LCT: variants seen among roughly 807,000 people sequenced by gnomAD.
LCT encodes the protein lactase.
Under a neutral mutation model 173.0 loss-of-function variants are expected in LCT, and 90 were observed. The ratio of observed to expected loss-of-function variants is 0.52; its 90% CI spans 0.44 to 0.62. The LOEUF (loss-of-function observed/expected upper bound fraction) is 0.62, where lower values mean the gene tolerates loss of function less well. Among genes scored for constraint, LCT ranks in the 20% least tolerant of loss-of-function variants. The probability of loss-of-function intolerance (pLI) is 0.00; values close to 1 mark genes in which losing one functional copy is unlikely to be tolerated. For missense variants in LCT, 1,864 were observed against 2,431.4 expected (o/e 0.77, Z 4.91); for synonymous variants, 853 against 957.6 (o/e 0.89, Z 2.02).
rs1559548824 is a variant in LCT at position 135,794,691 on chromosome 2, G to A, written c.5061C>T (p.Leu1687=). ...CAGTGGCATAGTTGAGGTTGTAGGC[G>A]AGGACAGTGGTGTAGTGATTGAACC... ...FFGFNHYTTV[L]AYNLNYATAI... The change falls in exon 14 of 17, where the codon CTC becomes CTT. Residue 1687 remains leucine, a synonymous_variant. Transcript: ENST00000264162. 6 of 1,613,982 alleles carry A rather than the reference G, an allele frequency of 3.7e-6. No homozygotes were observed. The highest frequency in any genetic ancestry group is 2.2e-5 in the East Asian group (1 of 44,892).
At chr2:135,813,791 T>A (rs2077755224) in intron 6 of LCT, among the ~76,000 whole-genome samples, 1 of 152,238 alleles carries the variant, frequency 6.6e-6, no homozygotes. Context: ...AGAGGAGGGC[T>A]CTTTCTTGCT....
chr2:135,814,890 T>C (rs2077766944), intron 6 of LCT, among the ~76,000 whole-genome samples: 1 of 152,154 alleles, frequency 6.6e-6, no homozygotes, highest in African/African-American at 2.4e-5. Flanking sequence ...AAAATTCATA[T>C]GTTGAAGCCC....
chr2:135,791,265 T>C (rs1458924591), intron 14 of LCT, among the ~76,000 whole-genome samples: 1 of 152,234 alleles, frequency 6.6e-6, no homozygotes, highest in African/African-American at 2.4e-5. Context: ...CTTCAGAGAA[T>C]GGGCTCCCCC....
At chr2:135,823,750 A>C in intron 4 of LCT, 151 bp downstream of exon 4, 2 of 704,136 alleles carry the variant, frequency 2.8e-6, no homozygotes, top group Non-Finnish European at 5.2e-6. Flanking sequence ...GTAGGAAGGC[A>C]TAGTACACTA....
intron 6 of LCT, among the ~76,000 whole-genome samples, chr2:135,815,651 C>G (rs2077774398): frequency 6.6e-6 from 1 of 152,040 alleles, no homozygotes; most frequent in African/African-American, 2.4e-5. Context: ...TGTGACCCCT[C>G]TTTAACACCT....
At chr2:135,791,035 A>G (rs2105517478) in intron 14 of LCT, among the ~76,000 whole-genome samples, 154 bp from the exon 15 acceptor site, 1 of 152,344 alleles carries the variant, frequency 6.6e-6, no homozygotes, top group Middle Eastern at 3.4e-3. Flanking sequence ...ATTGCCTCAA[A>G]TTCTCCTCCT....
chr2:135,797,459 G>A (rs766583998), intron 13 of LCT, among the ~76,000 whole-genome samples: 2 of 152,138 alleles, frequency 1.3e-5, no homozygotes, highest in Non-Finnish European at 2.9e-5. Context: ...GCGCCCTGGG[G>A]GCCGACAGCT....
chr2:135,815,089 GC>G (rs1316408792), intron 6 of LCT, among the ~76,000 whole-genome samples: 1 of 152,124 alleles, frequency 6.6e-6, no homozygotes. Context: ...CAGGAAGAGA[GC>G]CCTCACCAGA....
chr2:135,824,750 C>T (rs1195476073), intron 3 of LCT, among the ~76,000 whole-genome samples: 1 of 152,092 alleles, frequency 6.6e-6, no homozygotes, highest in African/African-American at 2.4e-5. Context: ...CGCCTATAAT[C>T]CCAGCACTTT....
chr2:135,819,384 A>G (rs1349279207), intron 5 of LCT, among the ~76,000 whole-genome samples: 1 of 152,030 alleles, frequency 6.6e-6, no homozygotes, highest in Non-Finnish European at 1.5e-5. Context: ...TGCATGCTGC[A>G]AATTACAGCC....
At chr2:135,806,425 C>T (rs1485714702) in intron 9 of LCT, among the ~76,000 whole-genome samples, 2 of 152,142 alleles carry the variant, frequency 1.3e-5, no homozygotes, top group East Asian at 1.9e-4. Context: ...CTTAGTGTAG[C>T]TTAAGTGTGC....
In LCT at chr2:135,790,631, C is replaced by T. The variant is rs566241456; in HGVS notation, c.5335+27G>A. 1.1e-5 allele frequency: 16 copies of T among 1,457,348 alleles called. No individual in the cohort carries two copies. Among genetic ancestry groups the T allele is most frequent in the South Asian group, 1.1e-5 (1 of 87,914 alleles). The allele number at this position is 1,457,348 out of a possible 1,614,324, so 90.3% of individuals were successfully genotyped here. A position where few individuals can be genotyped will look rare whatever the true frequency, so the allele number is the denominator to read the frequency against. On this transcript the variant is annotated intron_variant, in intron 15 of 16. Transcript: ENST00000264162. This position sits in a 1 kb window ranked among gnomAD's most constrained non-coding sequence, Gnocchi z 4.1. The stretch of plus-strand genomic sequence containing the variant: ...GATGTTTCCAACAGGGGAAGGTGCA[C>T]GCTGGGGAAGGGCGGGCCCGTCGTA...
At chr2:135,811,770 G>T (rs958898832) in intron 7 of LCT, among the ~76,000 whole-genome samples, 7 of 150,888 alleles carry the variant, frequency 4.6e-5, no homozygotes, top group Non-Finnish European at 1.0e-4. Context: ...AGAATGTAGA[G>T]GGAGGTATTC....
chr2:135,810,112 A>T (rs1042735253), intron 7 of LCT, 119 bp from the exon 8 acceptor site: 3 of 727,082 alleles, frequency 4.1e-6, no homozygotes, highest in Non-Finnish European at 4.9e-6. Flanking sequence ...CCTCCCAAGT[A>T]GCTGGGACTG....
chr2:135,804,913 G>T lies in LCT; in HGVS notation c.4318C>A (p.Gln1440Lys), dbSNP rs779646956. Residue 1440 changes from glutamine to lysine, a missense_variant, in exon 10 of 17, where the codon CAG becomes AAG. Around this residue, in one of 4 missense-constraint regions of LCT, gnomAD observed 514 missense variants for 750.1 expected, o/e 0.69. Transcript: ENST00000264162. The stretch of plus-strand genomic sequence containing the variant: ...CGGTAGTGGGACACGCCCAGGTTCT[G>T]CAGGGTGACCAGATCCTCAGCAATC... ...HKIAEDLVTL[Q>K]NLGVSHYRFS... is the part of the protein sequence containing the mutation. The T allele has an allele frequency of 3.1e-6, 5 of 1,614,210 alleles. No individual in the cohort carries two copies. The South Asian group carries it at 3.3e-5, about 11-fold the overall frequency.
chr2:135,821,192 T>A (rs2105546610), intron 5 of LCT, among the ~76,000 whole-genome samples: 1 of 152,314 alleles, frequency 6.6e-6, no homozygotes, highest in Non-Finnish European at 1.5e-5. Context: ...TCTGCTCTAA[T>A]TTTTTAAAGC....
At chr2:135,788,577 C>A (rs1295645471) in intron 16 of LCT, 33 bp from the exon 17 acceptor site, 2 of 1,378,976 alleles carry the variant, frequency 1.5e-6, no homozygotes, top group Non-Finnish European at 2.1e-6. Context: ...GGTTGGTGCT[C>A]TGGCGCTGAT....
intron 11 of LCT, 122 bp downstream of exon 11, chr2:135,803,808 G>A: frequency 1.2e-6 from 1 of 838,618 alleles, no homozygotes; most frequent in South Asian, 1.4e-5. Context: ...CCCTGAGCAA[G>A]AGGCAGGGTT....
chr2:135,804,164 T>C (rs773119100), intron 10 of LCT, 36 bp from the exon 11 acceptor site: 2 of 1,555,278 alleles, frequency 1.3e-6, no homozygotes, highest in Non-Finnish European at 1.8e-6. Flanking sequence ...GCATCAGTCA[T>C]GCTTTCCATG....
Sources: gnomAD v4.1 joint callset for allele counts (sites outside exome capture counted in the v4.1 genomes callset) on GRCh38, gnomAD v4.1.1 for gene constraint, gnomAD v4.1.1 regional missense constraint, Gnocchi (gnomAD v3.1) non-coding constraint, MANE v1.5 for transcripts, NCBI Gene and HGNC (gene_info 2026-07-23, HGNC 2026-07-21) for gene names.